ZBTB20: variants seen among roughly 807,000 people sequenced by gnomAD.
The protein encoded by ZBTB20 is zinc finger and BTB domain-containing protein 20.
A neutral mutation model predicts 56.9 loss-of-function variants in ZBTB20; 9 were observed. That is an observed-to-expected ratio of 0.16 (90% CI 0.10 to 0.28). ZBTB20 has a LOEUF of 0.28. ZBTB20 is among the 10% of genes least tolerant of loss of function. ZBTB20 has a pLI of 1.00. For synonymous variants in ZBTB20, 417 were observed against 420.7 expected, an observed-to-expected ratio of 0.99 and a Z score of 0.11; for missense variants, 655 against 1,003.0, an observed-to-expected ratio of 0.65 and a Z score of 4.69.
intron 4 of ZBTB20, among the ~76,000 whole-genome samples, chr3:114,853,265 G>A (rs1560323265): frequency 6.6e-6 from 1 of 152,086 alleles, no homozygotes; most frequent in African/African-American, 2.4e-5. Flanking sequence ...TAAGTAACTG[G>A]AGCATGTGTC....
chr3:114,802,535 C>T (rs900345868), intron 4 of ZBTB20, among the ~76,000 whole-genome samples: 2 of 151,752 alleles, frequency 1.3e-5, no homozygotes, highest in Non-Finnish European at 2.9e-5. Flanking sequence ...TCTCACATGC[C>T]TGAATTAGGC....
In ZBTB20 at chr3:114,886,375, G is replaced by A. The variant is rs148201716; in HGVS notation, c.-417+13929C>T. 2.7e-3 allele frequency among the ~76,000 whole-genome samples: 417 copies of A among 152,314 alleles called. 1 individual carries two copies. Among genetic ancestry groups the A allele is most frequent in the African/African-American group, 9.1e-3 (377 of 41,558 alleles). On this transcript the variant is annotated intron_variant, in intron 4 of 11. Transcript: ENST00000675478. ...ATAGTTCTCTAATAAAGACCTGGCCGATGCTAAGCAGAGAAATTAGACGGA... is the reference window on the plus strand; with the variant it reads ...ATAGTTCTCTAATAAAGACCTGGCCAATGCTAAGCAGAGAAATTAGACGGA...
At chr3:114,973,504 G>C (rs1465250732) in intron 3 of ZBTB20, among the ~76,000 whole-genome samples, 3 of 152,084 alleles carry the variant, frequency 2.0e-5, no homozygotes, top group African/African-American at 7.2e-5. Context: ...TGACAGTTTT[G>C]ACATTCAGGT....
chr3:114,455,000 C>T (rs1433910015), intron 7 of ZBTB20, among the ~76,000 whole-genome samples: 2 of 112,304 alleles, frequency 1.8e-5, no homozygotes, highest in Non-Finnish European at 3.5e-5. Flanking sequence ...AGACACCAAC[C>T]GAGGGAGGGA....
chr3:114,845,702 G>A (rs1167105919), intron 4 of ZBTB20, among the ~76,000 whole-genome samples: 1 of 152,038 alleles, frequency 6.6e-6, no homozygotes, highest in Admixed American at 6.6e-5. Flanking sequence ...TAATAGGTCA[G>A]TACTATTTGT....
intron 5 of ZBTB20, among the ~76,000 whole-genome samples, chr3:114,753,805 A>G (rs1178940647): frequency 6.6e-6 from 1 of 152,118 alleles, no homozygotes; most frequent in African/African-American, 2.4e-5. Flanking sequence ...ATGAAAGTAG[A>G]AACTTTATTT....
chr3:114,583,412 T>C (rs1204667431), intron 6 of ZBTB20, among the ~76,000 whole-genome samples: 1 of 152,166 alleles, frequency 6.6e-6, no homozygotes, highest in African/African-American at 2.4e-5. Context: ...AACACAAACA[T>C]TGATTTTTTG....
chr3:114,965,677 A>T (rs1420180380), intron 3 of ZBTB20, among the ~76,000 whole-genome samples: 13 of 152,056 alleles, frequency 8.5e-5, no homozygotes, highest in Admixed American at 8.5e-4. Context: ...TCCTCCATTG[A>T]TGGTCACATG....
At chr3:114,958,693 C>CA (rs1444047580) in intron 3 of ZBTB20, among the ~76,000 whole-genome samples, 1 of 151,416 alleles carries the variant, frequency 6.6e-6, no homozygotes, top group African/African-American at 2.4e-5. Flanking sequence ...ACTAAAAATA[C>CA]AAAAAATTAG....
intron 6 of ZBTB20, among the ~76,000 whole-genome samples, chr3:114,526,641 GT>G (rs1408834017): frequency 1.3e-5 from 2 of 152,228 alleles, no homozygotes; most frequent in East Asian, 1.9e-4. Flanking sequence ...CTTTTACCAG[GT>G]TTTGCTACAG....
rs565682748 is a variant in ZBTB20, at chr3:114,332,053, C to T, written c.*6952G>A. On this transcript the variant is annotated 3_prime_UTR_variant, in exon 12 of 12. Transcript: ENST00000675478. Reference sequence around the variant, plus strand: ...GCAACACTAGTAGAAACAGATGCCCCCAAGGTTTTTTTTTTTTTTTTTTTT... The same window carrying T: ...GCAACACTAGTAGAAACAGATGCCCTCAAGGTTTTTTTTTTTTTTTTTTTT... The T allele has an allele frequency of 5.8e-4, 86 of 149,420 alleles. No individual in the cohort carries two copies. Among genetic ancestry groups the T allele is most frequent in the African/African-American group, 2.0e-3 (80 of 40,790 alleles). The allele number at this position is 149,420 out of a possible 1,614,324, so 9.3% of individuals were successfully genotyped here.
intron 6 of ZBTB20, among the ~76,000 whole-genome samples, chr3:114,558,471 A>G (rs1374574519): frequency 6.6e-6 from 1 of 152,116 alleles, no homozygotes; most frequent in Non-Finnish European, 1.5e-5. Flanking sequence ...AAATGGCCAA[A>G]GACATAGGAC....
chr3:114,707,787 T>A (rs2063805531), intron 5 of ZBTB20, among the ~76,000 whole-genome samples: 1 of 152,188 alleles, frequency 6.6e-6, no homozygotes, highest in African/African-American at 2.4e-5. Context: ...GCCTTTCCCG[T>A]CTCTCAGATT....
intron 3 of ZBTB20, among the ~76,000 whole-genome samples, chr3:114,949,536 G>A (rs1428024361): frequency 6.8e-6 from 1 of 146,292 alleles, no homozygotes; most frequent in African/African-American, 2.8e-5. Flanking sequence ...GGGAGGCCAA[G>A]GTGGCCAGAT....
At chr3:114,581,737 G>T (rs2054648951) in intron 6 of ZBTB20, among the ~76,000 whole-genome samples, 1 of 151,138 alleles carries the variant, frequency 6.6e-6, no homozygotes, top group Non-Finnish European at 1.5e-5. Context: ...ATTCCGATCA[G>T]ACTGACAAAA....
rs13059932 is a variant in ZBTB20, at chr3:114,558,024, T to A, written c.-294-57633A>T. Among the ~76,000 whole-genome samples, 24 of 152,032 alleles carry A rather than the reference T, an allele frequency of 1.6e-4. No individual in the cohort carries two copies. In the East Asian group the frequency reaches 3.1e-3, roughly 20 times the overall value. On this transcript the variant is annotated intron_variant, in intron 6 of 11. Transcript: ENST00000675478. ...TCCCTCAGACTTAATCTTTTAATTC[T>A]ATTGGGAAACACCTATAAACACAAC...
chr3:114,662,893 T>C (rs1406069179), intron 6 of ZBTB20, among the ~76,000 whole-genome samples: 1 of 152,118 alleles, frequency 6.6e-6, no homozygotes, highest in Non-Finnish European at 1.5e-5. Flanking sequence ...AGAAGCTCTT[T>C]AGTTTAATCT....
At chr3:114,493,559 A>C (rs2042968020) in intron 7 of ZBTB20, among the ~76,000 whole-genome samples, 1 of 152,128 alleles carries the variant, frequency 6.6e-6, no homozygotes, top group Non-Finnish European at 1.5e-5. Flanking sequence ...CTGGGCTGCT[A>C]GTCACCTTTT....
chr3:114,720,262 A>T (rs2064823310), intron 5 of ZBTB20, among the ~76,000 whole-genome samples: 1 of 149,622 alleles, frequency 6.7e-6, no homozygotes, highest in South Asian at 2.1e-4. Flanking sequence ...ATATTATTTA[A>T]ATATATATCT....
Sources: gnomAD v4.1 joint callset for allele counts (sites outside exome capture counted in the v4.1 genomes callset) on GRCh38, gnomAD v4.1.1 for gene constraint, MANE v1.5 for transcripts, NCBI Gene and HGNC (gene_info 2026-07-23, HGNC 2026-07-21) for gene names.